OR5V1: variants seen among roughly 807,000 people sequenced by gnomAD.
The protein encoded by OR5V1 is olfactory receptor 5V1.
For synonymous variants in OR5V1, 134 were observed against 143.2 expected (o/e 0.94, Z 0.46); for missense variants, 365 against 371.5 (o/e 0.98, Z 0.14).
intron 1 of OR5V1, among the ~76,000 whole-genome samples, chr6:29,363,682 A>G (rs767572939): frequency 1.3e-5 from 2 of 152,012 alleles, no homozygotes; most frequent in African/African-American, 2.4e-5. Context: ...CACATAAACA[A>G]CCAATGACAA....
chr6:29,364,282 A>G (rs956737385), intron 1 of OR5V1, among the ~76,000 whole-genome samples: 2 of 152,148 alleles, frequency 1.3e-5, no homozygotes, highest in African/African-American at 4.8e-5. Flanking sequence ...CTGCTTCTCA[A>G]GGAAATAAGA....
intron 1 of OR5V1, among the ~76,000 whole-genome samples, chr6:29,363,228 A>G (rs1778661531): frequency 1.3e-5 from 2 of 152,168 alleles, no homozygotes; most frequent in Admixed American, 6.5e-5. Context: ...GGACACATAC[A>G]CCCTTCCAAG....
chr6:29,355,617 A>G lies in OR5V1; in HGVS notation c.579T>C (p.Ser193=), dbSNP rs1221716179. Reference sequence around the variant, plus strand: ...TGGATAGCAGTGCCAACTCATTGACAGAAGTGTTTCCACAAGACAAGATCA... The same window carrying G: ...TGGATAGCAGTGCCAACTCATTGACGGAAGTGTTTCCACAAGACAAGATCA... The part of the protein sequence containing the change: ...PLLILSCGNT[S]VNELALLSTG... Residue 193 remains serine (S), a synonymous_variant, in exon 2 of 2, where the codon TCT becomes TCC. Coordinates refer to ENST00000641768, the MANE Select transcript of OR5V1 (RefSeq NM_030876.6). The G allele has an allele frequency of 6.2e-7, 1 of 1,613,904 alleles. No individual in the cohort carries two copies. The highest frequency in any genetic ancestry group is 8.5e-7 in the Non-Finnish European group (1 of 1,179,910).
chr6:29,358,463 A>G (rs1778419081), intron 1 of OR5V1, among the ~76,000 whole-genome samples: 1 of 152,228 alleles, frequency 6.6e-6, no homozygotes, highest in African/African-American at 2.4e-5. Context: ...TTCTGGATAT[A>G]TATTCAAAGG....
chr6:29,355,449 A>G lies in OR5V1; in HGVS notation c.747T>C (p.Phe249=). The change falls in exon 2 of 2, where the codon TTT becomes TTC. Residue 249 remains phenylalanine, a synonymous_variant. Coordinates refer to ENST00000641768, the MANE Select transcript of OR5V1 (RefSeq NM_030876.6). Reference sequence around the variant, plus strand: ...TAAAGATGGCGCTGCCATAAAAGAGAAAGACAATGGCCAGGTGGGAGGCAC... The same window carrying G: ...TAAAGATGGCGCTGCCATAAAAGAGGAAGACAATGGCCAGGTGGGAGGCAC... ...STCASHLAIV[F]LFYGSAIFTY... 1 of 1,613,972 alleles carries G rather than the reference A, an allele frequency of 6.2e-7. No homozygotes were observed. The highest frequency in any genetic ancestry group is 8.5e-7 in the Non-Finnish European group (1 of 1,179,878).
chr6:29,356,557 T>C (rs766598150), intron 1 of OR5V1, among the ~76,000 whole-genome samples: 6 of 152,208 alleles, frequency 3.9e-5, no homozygotes, highest in Non-Finnish European at 7.3e-5. Flanking sequence ...ACTTGTGCTG[T>C]AGAATGCGAT....
intron 1 of OR5V1, among the ~76,000 whole-genome samples, chr6:29,364,042 A>T (rs2207699): frequency 0.35 from 53,331 of 151,948 alleles, 11,535 homozygotes; most frequent in Non-Finnish European, 0.48. Flanking sequence ...TATATTTAGA[A>T]AACCCCATCA....
rs1778284209 is a variant in OR5V1, at chr6:29,356,062, A to G, written c.134T>C (p.Ile45Thr). The G allele has an allele frequency of 6.2e-7, 1 of 1,613,886 alleles. No homozygotes were observed. Among genetic ancestry groups the G allele is most frequent in the Non-Finnish European group, 8.5e-7 (1 of 1,179,938 alleles). The change falls in exon 2 of 2, where the codon ATT (isoleucine) becomes ACT (threonine). Residue 45 changes from isoleucine to threonine, a missense_variant. Ile to Thr is a moderately conservative substitution (Grantham distance 89). Transcript: ENST00000641768. ...TGGATCAGTCACAGTCGTCAAGATA[A>G]TTAATATATTTCCTCCCAAAGTACA... is the stretch of plus-strand genomic sequence containing the variant. ...YFCTLGGNIL[I>T]ILTTVTDPHL...
rs1562925504 is a variant in OR5V1 at position 29,356,174 on chromosome 6, C to T, written c.22G>A (p.Ala8Thr). 1.3e-6 allele frequency: 2 copies of T among 1,577,406 alleles called. No individual in the cohort carries two copies. The highest frequency in any genetic ancestry group is 1.4e-5 in the African/African-American group (1 of 73,340). ...CCCAAGATGATGAATTCAGTTATAG[C>T]TGTTTGATTCTTTCTTTCCATGATG... is the stretch of plus-strand genomic sequence containing the variant. MERKNQT[A>T]ITEFIILGFS... Residue 8 changes from alanine (A) to threonine (T), a missense_variant, in exon 2 of 2, where the codon GCT becomes ACT. Ala to Thr is a moderately conservative substitution (Grantham distance 58). Transcript: ENST00000641768.
At chr6:29,368,610 T>C (rs1170582597) in intron 1 of OR5V1, 22 bp downstream of exon 1, 1 of 152,180 alleles carries the variant, frequency 6.6e-6, no homozygotes, top group Non-Finnish European at 1.5e-5. Context: ...AGTTAAGCAA[T>C]TAAAAATACT....
At position 29,355,462 on chromosome 6, in the gene OR5V1, A is replaced by C. The variant is rs779085607; in HGVS notation, c.734T>G (p.Leu245Arg). 6.2e-7 allele frequency: 1 copy of C among 1,614,048 alleles called. No individual in the cohort carries two copies. The highest frequency in any genetic ancestry group is 8.5e-7 in the Non-Finnish European group (1 of 1,179,924). Residue 245 changes from leucine to arginine, a missense_variant, in exon 2 of 2, where the codon CTG becomes CGG. Transcript: ENST00000641768. ...GCCATAAAAGAGAAAGACAATGGCC[A>C]GGTGGGAGGCACATGTAGAGAAGGC... ...RKAFSTCASH[L>R]AIVFLFYGSA...
rs568450275 is a variant in OR5V1 at position 29,354,874 on chromosome 6, G to A, written c.*356C>T. 5.5e-5 allele frequency: 10 copies of A among 180,568 alleles called. No homozygotes were observed. The East Asian group carries it at 1.4e-3, about 26-fold the overall frequency. The allele number at this position is 180,568 out of a possible 1,614,324, so 11.2% of individuals were successfully genotyped here. A position where few individuals can be genotyped will look rare whatever the true frequency, so the allele number is the denominator to read the frequency against. The stretch of plus-strand genomic sequence containing the variant: ...GAACAGAAAAATATGACACACATAT[G>A]AGGAATGTGAAGAAAAATATTTCAC... On this transcript the variant is annotated 3_prime_UTR_variant, in exon 2 of 2. Coordinates refer to ENST00000641768, the MANE Select transcript of OR5V1 (RefSeq NM_030876.6).
intron 1 of OR5V1, among the ~76,000 whole-genome samples, chr6:29,366,320 T>C (rs1368311107): frequency 3.0e-5 from 3 of 100,118 alleles, no homozygotes. Flanking sequence ...TAAAGTAAAG[T>C]ATATTAAAAA....
chr6:29,356,184 C>A lies in OR5V1; in HGVS notation c.12G>T (p.Lys4Asn). 1 of 1,567,156 alleles carries A rather than the reference C, an allele frequency of 6.4e-7. No homozygotes were observed. Among genetic ancestry groups the A allele is most frequent in the African/African-American group, 1.4e-5 (1 of 72,972 alleles). The change falls in exon 2 of 2, where the codon AAG (lysine) becomes AAT (asparagine). Residue 4 changes from lysine to asparagine, a missense_variant. By Grantham distance (94) the Lys-to-Asn change is moderately conservative. Coordinates refer to ENST00000641768, the MANE Select transcript of OR5V1 (RefSeq NM_030876.6). ...TGAATTCAGTTATAGCTGTTTGATT[C>A]TTTCTTTCCATGATGTCGCCTGGTT... is the stretch of plus-strand genomic sequence containing the variant. MER[K>N]NQTAITEFII...
In OR5V1 at chr6:29,355,726, A is replaced by G. The variant is rs1562924341; in HGVS notation, c.470T>C (p.Val157Ala). The G allele has an allele frequency of 6.2e-7, 1 of 1,613,962 alleles. No homozygotes were observed. The highest frequency in any genetic ancestry group is 8.5e-7 in the Non-Finnish European group (1 of 1,179,982). The change falls in exon 2 of 2, where the codon GTG (valine) becomes GCG (alanine). Residue 157 changes from valine to alanine, a missense_variant. Val to Ala is a moderately conservative substitution (Grantham distance 64). Transcript: ENST00000641768. Reference sequence around the variant, plus strand: ...GCAGAATGTCAACACTGTATGCACCACTGAGTTAAGGAAACCAGCAGCCCA... The same window carrying G: ...GCAGAATGTCAACACTGTATGCACCGCTGAGTTAAGGAAACCAGCAGCCCA... The part of the protein sequence containing the change: ...SCWAAGFLNS[V>A]VHTVLTFCLP...
In OR5V1 at chr6:29,355,326, GTAAA is replaced by G. The variant is rs1156669249; in HGVS notation, c.866_869del (p.Ile289ThrfsTer3). On this transcript the variant is annotated frameshift_variant, in exon 2 of 2. Coordinates refer to ENST00000641768, the MANE Select transcript of OR5V1 (RefSeq NM_030876.6). LOFTEE classifies it low-confidence loss of function (END_TRUNC). The stretch of plus-strand genomic sequence containing the variant: ...CTTTGATGTCCTTATTCCTCAATGT[GTAAA>G]TTATAGGGTTTAGCATGGGGGTAAC... 2 of 1,613,766 alleles carry G rather than the reference GTAAA, an allele frequency of 1.2e-6. No homozygotes were observed.
At chr6:29,357,051 G>T (rs1002590120) in intron 1 of OR5V1, among the ~76,000 whole-genome samples, 1 of 151,962 alleles carries the variant, frequency 6.6e-6, no homozygotes, top group Non-Finnish European at 1.5e-5. Context: ...CTGAATTTGG[G>T]GTTAGGTTAT....
rs1278935259 is a variant in OR5V1, at chr6:29,356,070, A to C, written c.126T>G (p.Asn42Lys). 1.2e-6 allele frequency: 2 copies of C among 1,613,906 alleles called. No homozygotes were observed. The highest frequency in any genetic ancestry group is 4.5e-5 in the East Asian group (2 of 44,888). The change falls in exon 2 of 2, where the codon AAT becomes AAG. Residue 42 changes from asparagine to lysine, a missense_variant. Asn to Lys is a moderately conservative substitution (Grantham distance 94, BLOSUM62 0). Transcript: ENST00000641768. ...FLTYFCTLGG[N>K]ILIILTTVTD... ...TCACAGTCGTCAAGATAATTAATAT[A>C]TTTCCTCCCAAAGTACAGAAATAAG... is the stretch of plus-strand genomic sequence containing the variant.
chr6:29,361,626 T>C (rs981795130), intron 1 of OR5V1, among the ~76,000 whole-genome samples: 8 of 152,034 alleles, frequency 5.3e-5, no homozygotes, highest in African/African-American at 1.9e-4. Context: ...GGGACCAATA[T>C]TCAACATTCT....
Sources: allele counts gnomAD v4.1 joint callset (sites outside exome capture counted in the v4.1 genomes callset), GRCh38; gene constraint gnomAD v4.1.1; transcripts MANE v1.5; gene names NCBI Gene and HGNC (gene_info 2026-07-23, HGNC 2026-07-21).